Variants in LRFN2 observed in about 807,000 individuals in gnomAD.
The protein encoded by LRFN2 is leucine-rich repeat and fibronectin type-III domain-containing protein 2.
In LRFN2, 18 loss-of-function variants were observed where a neutral mutation model predicts 37.3. The ratio of observed to expected loss-of-function variants is 0.48; its 90% CI spans 0.33 to 0.72. LRFN2 has a LOEUF of 0.72. Ranked by LOEUF, LRFN2 falls within the 30% of genes least tolerant of loss-of-function variation. LRFN2 has a pLI of 0.02. For missense variants in LRFN2, 1,006 were observed against 1,060.7 expected (o/e 0.95, Z 0.72); for synonymous variants, 556 against 466.6 (o/e 1.19, Z -2.47).
In LRFN2 at chr6:40,570,383, A is replaced by G. The variant is rs144360232; in HGVS notation, c.-19+16558T>C. ...AAACCACACCTCTGTGGGGGCAGGTATTATTATTTCTTCCATTTTACACAT... is the reference window on the plus strand; with the variant it reads ...AAACCACACCTCTGTGGGGGCAGGTGTTATTATTTCTTCCATTTTACACAT... On this transcript the variant is annotated intron_variant, in intron 1 of 2. Coordinates refer to ENST00000338305, the MANE Select transcript of LRFN2 (RefSeq NM_020737.3). Among the ~76,000 whole-genome samples the G allele has an allele frequency of 1.2e-3, 176 of 152,304 alleles. 1 individual carries two copies. Among genetic ancestry groups the G allele is most frequent in the African/African-American group, 4.1e-3 (169 of 41,562 alleles).
intron 2 of LRFN2, among the ~76,000 whole-genome samples, chr6:40,407,261 GT>G (rs1762866645): frequency 6.6e-6 from 1 of 152,172 alleles, no homozygotes; most frequent in African/African-American, 2.4e-5. Context: ...GTATTTAATT[GT>G]CCTTAGCTTC....
chr6:40,412,764 GGAATT>G (rs1163521867), intron 2 of LRFN2, among the ~76,000 whole-genome samples: 1 of 152,188 alleles, frequency 6.6e-6, no homozygotes, highest in African/African-American at 2.4e-5. Flanking sequence ...CCTGCCTTGT[GGAATT>G]GACATTCTCT....
chr6:40,456,064 C>T (rs1483689221), intron 1 of LRFN2, among the ~76,000 whole-genome samples: 3 of 152,140 alleles, frequency 2.0e-5, no homozygotes, highest in African/African-American at 7.2e-5. Context: ...CGCAGGTTGA[C>T]AGCCTGCAAG....
chr6:40,456,038 GGAA>G (rs1244636361), intron 1 of LRFN2, among the ~76,000 whole-genome samples: 5 of 152,050 alleles, frequency 3.3e-5, no homozygotes, highest in Admixed American at 6.5e-5. Flanking sequence ...GCAGCCCCTA[GGAA>G]GAAGGAGAGA....
chr6:40,468,844 G>A (rs17626207), intron 1 of LRFN2, among the ~76,000 whole-genome samples: 4,325 of 152,046 alleles, frequency 0.028, 110 homozygotes, highest in East Asian at 0.098. Context: ...GAATCATGTC[G>A]GCCCTATGTA....
intron 1 of LRFN2, among the ~76,000 whole-genome samples, chr6:40,576,979 G>A (rs527869480): frequency 1.3e-5 from 2 of 151,784 alleles, no homozygotes; most frequent in Non-Finnish European, 2.9e-5. Context: ...TGACACCCCT[G>A]AATTCCTAAA....
chr6:40,435,052 T>TATAG lies in LRFN2; in HGVS notation c.-18-1922_-18-1921insCTAT, dbSNP rs1482968698. The stretch of plus-strand genomic sequence containing the variant: ...ATATATATATATATATATATATATA[T>TATAG]AGAGAGAGAGAGAGAGAGAGAGAGA... On this transcript the variant is annotated intron_variant, in intron 1 of 2. Coordinates refer to ENST00000338305, the MANE Select transcript of LRFN2 (RefSeq NM_020737.3). Among the ~76,000 whole-genome samples the TATAG allele has an allele frequency of 5.8e-3, 218 of 37,512 alleles. 4 individuals carry two copies. The highest frequency in any genetic ancestry group is 6.6e-3 in the Non-Finnish European group (134 of 20,336). The allele number at this position is 37,512 out of a possible 152,430, so 24.6% of individuals were successfully genotyped here.
intron 2 of LRFN2, among the ~76,000 whole-genome samples, chr6:40,424,044 C>G (rs1021539326): frequency 4.6e-5 from 7 of 152,230 alleles, no homozygotes; most frequent in African/African-American, 1.7e-4. Flanking sequence ...AATCACTACC[C>G]TGGACTTCTG....
intron 1 of LRFN2, among the ~76,000 whole-genome samples, chr6:40,472,082 C>T (rs1239452334): frequency 6.6e-6 from 1 of 152,188 alleles, no homozygotes; most frequent in Non-Finnish European, 1.5e-5. Context: ...TGTGTGTGTG[C>T]ACATGCACGG....
intron 2 of LRFN2, among the ~76,000 whole-genome samples, chr6:40,422,338 A>G (rs758606064): frequency 1.3e-5 from 2 of 152,160 alleles, no homozygotes; most frequent in Non-Finnish European, 2.9e-5. Flanking sequence ...GTGCTGTCCA[A>G]ACCCCTGATT....
At chr6:40,506,556 C>T (rs879374828) in intron 1 of LRFN2, among the ~76,000 whole-genome samples, 9 of 152,110 alleles carry the variant, frequency 5.9e-5, no homozygotes, top group Non-Finnish European at 1.0e-4. Context: ...TATTTAGGAT[C>T]ATGAGGAAGG....
At chr6:40,418,401 T>C (rs1355091387) in intron 2 of LRFN2, among the ~76,000 whole-genome samples, 1 of 152,198 alleles carries the variant, frequency 6.6e-6, no homozygotes, top group Non-Finnish European at 1.5e-5. Flanking sequence ...AGTAAGAATG[T>C]AAGCTCCTTG....
rs529358509 is a variant in LRFN2 at position 40,551,998 on chromosome 6, A to G, written c.-19+34943T>C. On this transcript the variant is annotated intron_variant, in intron 1 of 2. Coordinates refer to ENST00000338305, the MANE Select transcript of LRFN2 (RefSeq NM_020737.3). Reference sequence around the variant, plus strand: ...CCAAGTCACACAGATACAAAAATCCATTTATACAAAATCCTCGTGTGTTAT... The same window carrying G: ...CCAAGTCACACAGATACAAAAATCCGTTTATACAAAATCCTCGTGTGTTAT... 1.2e-4 allele frequency among the ~76,000 whole-genome samples: 19 copies of G among 152,316 alleles called. No homozygotes were observed. In the South Asian group the frequency reaches 1.5e-3, roughly 12 times the overall value.
At chr6:40,522,926 T>G (rs1227213687) in intron 1 of LRFN2, among the ~76,000 whole-genome samples, 1 of 152,176 alleles carries the variant, frequency 6.6e-6, no homozygotes, top group Non-Finnish European at 1.5e-5. Context: ...CTGCAGTGGA[T>G]GTGAATGCAC....
intron 1 of LRFN2, among the ~76,000 whole-genome samples, chr6:40,441,417 G>A (rs1423061659): frequency 6.6e-6 from 1 of 152,106 alleles, no homozygotes; most frequent in Non-Finnish European, 1.5e-5. Context: ...GAATGGAGGT[G>A]AGTGAACGGG....
At chr6:40,444,775 A>G (rs1217113168) in intron 1 of LRFN2, among the ~76,000 whole-genome samples, 2 of 152,176 alleles carry the variant, frequency 1.3e-5, no homozygotes, top group Non-Finnish European at 2.9e-5. Context: ...GAAGACTCAG[A>G]AAACCCTAGC....
At chr6:40,585,945 C>T (rs1767494428) in intron 1 of LRFN2, among the ~76,000 whole-genome samples, 1 of 152,176 alleles carries the variant, frequency 6.6e-6, no homozygotes, top group African/African-American at 2.4e-5. Context: ...AGAGTGCAGG[C>T]TCTGACATGT....
chr6:40,429,681 C>A (rs1272407701), intron 2 of LRFN2, among the ~76,000 whole-genome samples: 2 of 152,042 alleles, frequency 1.3e-5, no homozygotes, highest in African/African-American at 2.4e-5. Context: ...TAATTCAACT[C>A]CTAGAAAAAT....
At chr6:40,443,011 C>T (rs1763877632) in intron 1 of LRFN2, among the ~76,000 whole-genome samples, 1 of 138,280 alleles carries the variant, frequency 7.2e-6, no homozygotes, top group Admixed American at 7.0e-5. Context: ...TTCTAATAAC[C>T]CCTCTTATTA....
Sources: gnomAD v4.1 joint callset for allele counts (sites outside exome capture counted in the v4.1 genomes callset) on GRCh38, gnomAD v4.1.1 for gene constraint, MANE v1.5 for transcripts, NCBI Gene and HGNC (gene_info 2026-07-23, HGNC 2026-07-21) for gene names.